ADAMTS6: variants seen among roughly 807,000 people sequenced by gnomAD.
ADAMTS6 encodes the protein A disintegrin and metalloproteinase with thrombospondin motifs 6.
A neutral mutation model predicts 144.3 loss-of-function variants in ADAMTS6; 23 were observed. The observed-to-expected ratio is 0.16, with a 90% CI of 0.11 to 0.23. ADAMTS6 has a LOEUF of 0.23. ADAMTS6 is among the 10% of genes least tolerant of loss of function. ADAMTS6 has a pLI of 1.00. For missense variants in ADAMTS6, 999 were observed against 1,379.6 expected, an observed-to-expected ratio of 0.72 and a Z score of 4.37; for synonymous variants, 444 against 457.5, an observed-to-expected ratio of 0.97 and a Z score of 0.38.
chr5:65,299,335 T>C (rs1743149646), intron 10 of ADAMTS6, among the ~76,000 whole-genome samples: 1 of 152,146 alleles, frequency 6.6e-6, no homozygotes, highest in African/African-American at 2.4e-5. Flanking sequence ...CCCAAGTCTA[T>C]CAGTTTCCAA....
At chr5:65,178,648 C>T (rs531144064) in intron 22 of ADAMTS6, among the ~76,000 whole-genome samples, 104 of 152,288 alleles carry the variant, frequency 6.8e-4, no homozygotes, top group African/African-American at 2.3e-3. Context: ...CAAAGCCTGG[C>T]CCCATGTCTA....
At chr5:65,231,450 A>C (rs1353068674) in intron 15 of ADAMTS6, among the ~76,000 whole-genome samples, 1 of 152,190 alleles carries the variant, frequency 6.6e-6, no homozygotes, top group East Asian at 1.9e-4. Context: ...TCAGTAGTCT[A>C]CTTTCAACAA....
At chr5:65,376,125 G>T (rs542173940) in intron 7 of ADAMTS6, among the ~76,000 whole-genome samples, 23 of 152,192 alleles carry the variant, frequency 1.5e-4, no homozygotes, top group African/African-American at 5.1e-4. Flanking sequence ...GTGGGGGCAG[G>T]GGGGAGGGAT....
chr5:65,363,691 A>T (rs1444303311), intron 7 of ADAMTS6, among the ~76,000 whole-genome samples: 2 of 152,190 alleles, frequency 1.3e-5, no homozygotes, highest in Non-Finnish European at 2.9e-5. Context: ...TAATTTTTGG[A>T]AGCATTGCTT....
At chr5:65,412,450 A>G (rs965416113) in intron 7 of ADAMTS6, among the ~76,000 whole-genome samples, 1 of 152,034 alleles carries the variant, frequency 6.6e-6, no homozygotes, top group Non-Finnish European at 1.5e-5. Flanking sequence ...ACGCACACAC[A>G]CAATACTTGA....
chr5:65,310,401 C>A (rs1744379849), intron 9 of ADAMTS6, among the ~76,000 whole-genome samples: 1 of 152,146 alleles, frequency 6.6e-6, no homozygotes, highest in African/African-American at 2.4e-5. Flanking sequence ...TAGCACATGC[C>A]TATGGTCCCA....
intron 7 of ADAMTS6, among the ~76,000 whole-genome samples, chr5:65,421,941 A>C (rs1756080218): frequency 3.3e-5 from 5 of 152,226 alleles, no homozygotes; most frequent in Admixed American, 3.3e-4. Context: ...CTAATGCAAC[A>C]AAAACAAAAA....
chr5:65,475,447 T>C (rs564488313), intron 1 of ADAMTS6, among the ~76,000 whole-genome samples: 1 of 152,278 alleles, frequency 6.6e-6, no homozygotes, highest in South Asian at 2.1e-4. Flanking sequence ...AGATTAAGAT[T>C]CAATCCTTGC....
At chr5:65,390,116 A>T (rs957230374) in intron 7 of ADAMTS6, among the ~76,000 whole-genome samples, 1 of 152,320 alleles carries the variant, frequency 6.6e-6, no homozygotes, top group Middle Eastern at 3.4e-3. Flanking sequence ...TCATTTATAT[A>T]TGGCCTGTCA....
In ADAMTS6 at chr5:65,226,231, C is replaced by T; in HGVS notation, c.1934-12G>A. ...AGGTTTTACCCCACCTGGACAAATA[C>T]AGTAGAAGAGAAATAAGTGGAGTGG... On this transcript the variant is annotated splice_polypyrimidine_tract_variant and intron_variant, in intron 15 of 24. Coordinates refer to ENST00000381055, the MANE Select transcript of ADAMTS6 (RefSeq NM_197941.4). The T allele has an allele frequency of 6.2e-7, 1 of 1,610,670 alleles. No individual in the cohort carries two copies. The highest frequency in any genetic ancestry group is 8.5e-7 in the Non-Finnish European group (1 of 1,178,004).
intron 20 of ADAMTS6, among the ~76,000 whole-genome samples, chr5:65,205,372 CA>C (rs533560838): frequency 7.2e-4 from 109 of 152,246 alleles, no homozygotes; most frequent in Non-Finnish European, 1.3e-3. Context: ...TTAGAATTGA[CA>C]AAAAATTAAA....
intron 24 of ADAMTS6, 62 bp downstream of exon 24, chr5:65,170,555 C>T (rs954524488): frequency 1.3e-6 from 2 of 1,578,604 alleles, no homozygotes; most frequent in Non-Finnish European, 1.7e-6. Flanking sequence ...GCTCTTCAGA[C>T]CCTGGGAACA....
chr5:65,443,558 G>C (rs892349797), intron 7 of ADAMTS6, among the ~76,000 whole-genome samples: 1 of 144,404 alleles, frequency 6.9e-6, no homozygotes, highest in African/African-American at 2.6e-5. Context: ...GGAGGCAGGG[G>C]TTGCAATGAG....
At chr5:65,330,534 T>TATTGAATACAGTAAGCAATACTTGAATC (rs1409554707) in intron 8 of ADAMTS6, among the ~76,000 whole-genome samples, 26 of 152,256 alleles carry the variant, frequency 1.7e-4, no homozygotes, top group Non-Finnish European at 3.2e-4. Context: ...AATGAATATT[T>TATTGAATACAGTAAGCAATACTTGAATC]ATTGAATACA....
chr5:65,315,234 C>T (rs1478576856), intron 9 of ADAMTS6, among the ~76,000 whole-genome samples: 1 of 151,864 alleles, frequency 6.6e-6, no homozygotes, highest in African/African-American at 2.4e-5. Flanking sequence ...CAATTTAGTG[C>T]TATTTGAAGG....
intron 20 of ADAMTS6, among the ~76,000 whole-genome samples, chr5:65,209,073 A>G (rs1360299488): frequency 6.6e-6 from 1 of 152,266 alleles, no homozygotes; most frequent in Non-Finnish European, 1.5e-5. Context: ...CATCGTAAAA[A>G]GAGAATATGT....
At chr5:65,187,868 C>T in intron 22 of ADAMTS6, 148 bp downstream of exon 22, 1 of 750,048 alleles carries the variant, frequency 1.3e-6, no homozygotes, top group South Asian at 2.2e-5. Context: ...TATTTCCTGA[C>T]AAGCAGCAAT....
chr5:65,386,300 T>A (rs1043290357), intron 7 of ADAMTS6, among the ~76,000 whole-genome samples: 6 of 152,338 alleles, frequency 3.9e-5, no homozygotes, highest in Middle Eastern at 3.4e-3. Flanking sequence ...TGAAAATGTA[T>A]ATTTAAACAC....
intron 15 of ADAMTS6, among the ~76,000 whole-genome samples, chr5:65,237,156 G>A (rs567347326): frequency 1.3e-5 from 2 of 152,046 alleles, no homozygotes; most frequent in Non-Finnish European, 2.9e-5. Flanking sequence ...TACTTTGGCA[G>A]GCTGAGATTG....
Sources: gnomAD v4.1 joint callset for allele counts (sites outside exome capture counted in the v4.1 genomes callset) on GRCh38, gnomAD v4.1.1 for gene constraint, MANE v1.5 for transcripts, NCBI Gene and HGNC (gene_info 2026-07-23, HGNC 2026-07-21) for gene names.